The following ZNF407 variants were observed in gnomAD, a reference collection of about 807,000 sequenced individuals.
ZNF407 encodes zinc finger protein 407.
In ZNF407, 17 loss-of-function variants were observed where a neutral mutation model predicts 131.2. That is an observed-to-expected ratio of 0.13 (90% CI 0.09 to 0.19). The LOEUF (loss-of-function observed/expected upper bound fraction) is 0.19. ZNF407 is among the 10% of genes least tolerant of loss of function. ZNF407 has a pLI of 1.00. For missense variants in ZNF407, 2,681 were observed against 2,830.6 expected (o/e 0.95, Z 1.20); for synonymous variants, 1,156 against 1,062.0 (o/e 1.09, Z -1.72).
chr18:74,854,267 T>A (rs187943761), intron 4 of ZNF407, among the ~76,000 whole-genome samples: 247 of 152,370 alleles, frequency 1.6e-3, no homozygotes, highest in Middle Eastern at 0.01. Flanking sequence ...CCTTAGTTGT[T>A]AAATTAGTGT....
At chr18:74,702,210 C>T (rs569934831) in intron 3 of ZNF407, among the ~76,000 whole-genome samples, 10 of 152,088 alleles carry the variant, frequency 6.6e-5, no homozygotes, top group Admixed American at 2.0e-4. Context: ...CAGTAGCTCA[C>T]GGTCAAGAAG....
chr18:75,017,640 A>G (rs1360215475), intron 8 of ZNF407, among the ~76,000 whole-genome samples: 1 of 152,160 alleles, frequency 6.6e-6, no homozygotes, highest in African/African-American at 2.4e-5. Context: ...CTGTCAGCAA[A>G]TGCTTACCAC....
chr18:74,984,152 A>C (rs1476960068), intron 8 of ZNF407, among the ~76,000 whole-genome samples: 2 of 152,198 alleles, frequency 1.3e-5, no homozygotes, highest in African/African-American at 4.8e-5. Flanking sequence ...TAACAGAACT[A>C]GCTCTCGGAC....
intron 2 of ZNF407, among the ~76,000 whole-genome samples, chr18:74,638,725 T>A (rs923802558): frequency 1.3e-5 from 2 of 152,226 alleles, no homozygotes; most frequent in African/African-American, 4.8e-5. Flanking sequence ...AGGATAATGC[T>A]GTTCCAAGGA....
chr18:74,836,008 GAA>G (rs572896349), intron 4 of ZNF407, among the ~76,000 whole-genome samples: 3,610 of 129,752 alleles, frequency 0.028, 139 homozygotes, highest in African/African-American at 0.094. Context: ...GACCCTTATG[GAA>G]AAAAAAAAAA....
chr18:74,852,477 A>C (rs1319806846), intron 4 of ZNF407, among the ~76,000 whole-genome samples: 1 of 152,048 alleles, frequency 6.6e-6, no homozygotes, highest in Non-Finnish European at 1.5e-5. Flanking sequence ...AATGAAGACT[A>C]TATAATATAA....
At position 74,631,839 on chromosome 18, in the gene ZNF407, C is replaced by T. The variant is rs752581430; in HGVS notation, c.820C>T (p.Leu274=). ...LGKTHLRRQN[L]AARGGFVQIL... is the part of the protein sequence containing the mutation. ...CAAAACACATCTCCGTCGTCAGAAT[C>T]TGGCTGCTCGTGGAGGATTTGTACA... The change falls in exon 2 of 9, where the codon CTG becomes TTG. Residue 274 remains leucine, a synonymous_variant. Transcript: ENST00000299687. 2.5e-6 allele frequency: 4 copies of T among 1,614,070 alleles called. No homozygotes were observed. Among genetic ancestry groups the T allele is most frequent in the Non-Finnish European group, 3.4e-6 (4 of 1,179,906 alleles).
At chr18:74,896,289 A>G (rs1971452197) in intron 7 of ZNF407, among the ~76,000 whole-genome samples, 1 of 151,898 alleles carries the variant, frequency 6.6e-6, no homozygotes. Context: ...AGTACCAGTC[A>G]ACACGTTTCC....
chr18:74,677,000 T>TA (rs1165375943), intron 3 of ZNF407, among the ~76,000 whole-genome samples: 1 of 152,214 alleles, frequency 6.6e-6, no homozygotes, highest in East Asian at 1.9e-4. Context: ...CCCACCTTTT[T>TA]ATCTTGGAGA....
At chr18:74,877,941 G>T (rs902029706) in intron 5 of ZNF407, among the ~76,000 whole-genome samples, 1 of 152,040 alleles carries the variant, frequency 6.6e-6, no homozygotes, top group East Asian at 1.9e-4. Context: ...TAATTTTTTT[G>T]GAAAGTTATT....
chr18:74,625,334 A>ATG (rs72386590), intron 1 of ZNF407, among the ~76,000 whole-genome samples: 4,420 of 148,926 alleles, frequency 0.03, 169 homozygotes, highest in African/African-American at 0.09. Flanking sequence ...CTCTAAGCAA[A>ATG]TGTGTGTGTG....
chr18:74,749,185 G>A (rs1270275180), intron 3 of ZNF407, among the ~76,000 whole-genome samples: 2 of 152,148 alleles, frequency 1.3e-5, no homozygotes, highest in Non-Finnish European at 2.9e-5. Flanking sequence ...TTCCATCTCA[G>A]TCAATTTTCC....
chr18:74,964,645 CTT>C lies in ZNF407; in HGVS notation c.5428+43958_5428+43959del, dbSNP rs555711108. ...TATAACCAAACTTTTAAATTGTTGT[CTT>C]TTTTCTTTTTCATTTCCTGGTTTTA... On this transcript the variant is annotated intron_variant, in intron 8 of 8. Transcript: ENST00000299687. Among the ~76,000 whole-genome samples the C allele has an allele frequency of 4.7e-5, 4 of 84,360 alleles. No homozygotes were observed. In the East Asian group the frequency reaches 1.1e-3, roughly 24 times the overall value. 55.3% of individuals were successfully genotyped at this position (84,360 alleles called of 152,430 possible). A position where few individuals can be genotyped will look rare whatever the true frequency, so the allele number is the denominator to read the frequency against.
At chr18:74,850,793 C>T (rs75823488) in intron 4 of ZNF407, among the ~76,000 whole-genome samples, 1,976 of 152,208 alleles carry the variant, frequency 0.013, 36 homozygotes, top group African/African-American at 0.045. Context: ...CTTCGTGTTC[C>T]GTATTATGTT....
intron 8 of ZNF407, among the ~76,000 whole-genome samples, chr18:75,046,441 G>T (rs1263371299): frequency 6.6e-6 from 1 of 152,170 alleles, no homozygotes; most frequent in East Asian, 1.9e-4. Context: ...AAGTCACTGT[G>T]CATCCCTCCA....
chr18:74,750,430 A>G (rs1251560397), intron 3 of ZNF407, among the ~76,000 whole-genome samples: 1 of 152,156 alleles, frequency 6.6e-6, no homozygotes, highest in Non-Finnish European at 1.5e-5. Flanking sequence ...TCTTTTCTAT[A>G]GATTTATTCT....
At chr18:74,839,406 A>T (rs560386923) in intron 4 of ZNF407, among the ~76,000 whole-genome samples, 1 of 152,338 alleles carries the variant, frequency 6.6e-6, no homozygotes, top group South Asian at 2.1e-4. Context: ...CAGGTTGGAA[A>T]TTCTTGGACA....
At position 74,655,396 on chromosome 18, in the gene ZNF407, T is replaced by C. The variant is rs1432342929; in HGVS notation, c.4802+14274T>C. On this transcript the variant is annotated intron_variant, in intron 3 of 8. Coordinates refer to ENST00000299687, the MANE Select transcript of ZNF407 (RefSeq NM_017757.3). ...AGTTAAAATAATATGGATACAAATT[T>C]ATTATTTGAAAAAATATACATTACC... 2.0e-5 allele frequency among the ~76,000 whole-genome samples: 3 copies of C among 152,224 alleles called. No individual in the cohort carries two copies. The East Asian group carries it at 5.8e-4, about 29-fold the overall frequency.
At chr18:74,991,413 T>G (rs1972717433) in intron 8 of ZNF407, among the ~76,000 whole-genome samples, 1 of 152,228 alleles carries the variant, frequency 6.6e-6, no homozygotes, top group East Asian at 1.9e-4. Flanking sequence ...CCAATAAAAT[T>G]TTGAGAATTG....
Sources: gnomAD v4.1 joint callset for allele counts (sites outside exome capture counted in the v4.1 genomes callset) on GRCh38, gnomAD v4.1.1 for gene constraint, MANE v1.5 for transcripts, NCBI Gene and HGNC (gene_info 2026-07-23, HGNC 2026-07-21) for gene names.